Variants in DENND5B observed in about 807,000 individuals in gnomAD.
DENND5B encodes DENN domain containing 5B, also known as DENN domain-containing protein 5B.
DENND5B carries 34 observed loss-of-function variants against 140.6 expected under a neutral mutation model. The observed-to-expected ratio is 0.24, with a 90% CI of 0.18 to 0.32. DENND5B has a LOEUF of 0.32. Ranked by LOEUF, DENND5B falls within the 10% of genes least tolerant of loss-of-function variation. The pLI, the probability that DENND5B is intolerant of heterozygous loss-of-function variation, is 1.00. For missense variants in DENND5B, 1,142 were observed against 1,560.2 expected (o/e 0.73, Z 4.52); for synonymous variants, 551 against 562.1 (o/e 0.98, Z 0.28).
chr12:31,517,836 A>G (rs539939155), intron 1 of DENND5B, among the ~76,000 whole-genome samples: 48 of 152,326 alleles, frequency 3.2e-4, no homozygotes, highest in African/African-American at 9.4e-4. Flanking sequence ...AAGAAGTCAA[A>G]TGACACTTTG....
At chr12:31,442,557 A>G (rs2137982014) in intron 7 of DENND5B, among the ~76,000 whole-genome samples, 2 of 152,048 alleles carry the variant, frequency 1.3e-5, no homozygotes, top group Admixed American at 1.3e-4. Context: ...AGAAAAAAAA[A>G]TCTCTAGCCT....
intron 1 of DENND5B, among the ~76,000 whole-genome samples, chr12:31,502,854 A>G (rs1150944): frequency 0.078 from 11,857 of 152,260 alleles, 1,052 homozygotes; most frequent in African/African-American, 0.22. Flanking sequence ...ACTGAACTAG[A>G]GTAATAAAGG....
At chr12:31,583,640 T>C (rs1232107034) in intron 1 of DENND5B, among the ~76,000 whole-genome samples, 3 of 152,052 alleles carry the variant, frequency 2.0e-5, no homozygotes, top group Admixed American at 6.6e-5. Flanking sequence ...ATCACGCTAC[T>C]GCACTCCAGC....
chr12:31,478,110 G>C (rs1329469541), intron 3 of DENND5B: 1 of 152,090 alleles, frequency 6.6e-6, no homozygotes, highest in East Asian at 1.9e-4. Flanking sequence ...AAGAAGAAAG[G>C]AAAGAATTTA....
At chr12:31,457,858 C>A (rs1359399399) in intron 4 of DENND5B, among the ~76,000 whole-genome samples, 2 of 152,006 alleles carry the variant, frequency 1.3e-5, no homozygotes, top group Admixed American at 1.3e-4. Flanking sequence ...GGACTACAGG[C>A]GCCTGCCACC....
chr12:31,425,727 G>A (rs1012802985), intron 9 of DENND5B, among the ~76,000 whole-genome samples: 32 of 152,104 alleles, frequency 2.1e-4, no homozygotes, highest in African/African-American at 7.5e-4. Context: ...TACATTTATT[G>A]AATATGCAGA....
At chr12:31,480,859 C>CAG (rs1946043136) in intron 2 of DENND5B, among the ~76,000 whole-genome samples, 1 of 152,102 alleles carries the variant, frequency 6.6e-6, no homozygotes, top group Admixed American at 6.6e-5. Flanking sequence ...TCTACTAAAG[C>CAG]AGAAGCACAG....
At chr12:31,560,520 T>C (rs1949436335) in intron 1 of DENND5B, among the ~76,000 whole-genome samples, 1 of 152,208 alleles carries the variant, frequency 6.6e-6, no homozygotes, top group Non-Finnish European at 1.5e-5. Context: ...TCTTCCTGCT[T>C]CTACCCTTGA....
At position 31,384,814 on chromosome 12, in the gene DENND5B, T is replaced by G. The variant is rs2137211254; in HGVS notation, c.*2789A>C. ...GGAGTCTCGCTCTTGTCACCCAGGT[T>G]GGAGTGCAGTGGCACAATCTCGGCT... On this transcript the variant is annotated 3_prime_UTR_variant, in exon 21 of 21. Coordinates refer to ENST00000389082, the MANE Select transcript of DENND5B (RefSeq NM_144973.4). 6.6e-6 allele frequency: 1 copy of G among 152,152 alleles called. No individual in the cohort carries two copies. The highest frequency in any genetic ancestry group is 2.1e-4 in the South Asian group (1 of 4,810). The allele number at this position is 152,152 out of a possible 1,614,324, so 9.4% of individuals were successfully genotyped here. A position where few individuals can be genotyped will look rare whatever the true frequency, so the allele number is the denominator to read the frequency against.
At chr12:31,471,461 A>ATTTTTTTTTTTTTTTTTT (rs747862984) in intron 3 of DENND5B, among the ~76,000 whole-genome samples, 2 of 111,934 alleles carry the variant, frequency 1.8e-5, no homozygotes, top group Non-Finnish European at 3.4e-5. Flanking sequence ...CCATGCCTGT[A>ATTTTTTTTTTTTTTTTTT]TTTTTTTTTT....
chr12:31,568,880 C>T (rs1312365817), intron 1 of DENND5B, among the ~76,000 whole-genome samples: 1 of 152,052 alleles, frequency 6.6e-6, no homozygotes, highest in Non-Finnish European at 1.5e-5. Flanking sequence ...CAAGTCATCT[C>T]CCACCACTTC....
intron 1 of DENND5B, among the ~76,000 whole-genome samples, chr12:31,552,568 C>T (rs573183265): frequency 1.3e-5 from 2 of 152,262 alleles, no homozygotes; most frequent in South Asian, 4.1e-4. Flanking sequence ...CAGGATGATG[C>T]TGGCCTCATA....
chr12:31,426,223 A>C, intron 9 of DENND5B, 70 bp downstream of exon 9: 1 of 1,494,402 alleles, frequency 6.7e-7, no homozygotes, highest in Non-Finnish European at 8.9e-7. Context: ...GGGTTAACTC[A>C]GTTCATCTTA....
At chr12:31,471,735 G>A (rs960059004) in intron 3 of DENND5B, among the ~76,000 whole-genome samples, 3 of 152,228 alleles carry the variant, frequency 2.0e-5, no homozygotes, top group African/African-American at 7.2e-5. Flanking sequence ...CAGCGTGGAA[G>A]AACATGCTTG....
rs762952928 is a variant in DENND5B at position 31,424,528 on chromosome 12, C to G, written c.2391+7G>C. 6.2e-7 allele frequency: 1 copy of G among 1,612,198 alleles called. No individual in the cohort carries two copies. On this transcript the variant is annotated splice_region_variant and intron_variant, in intron 10 of 20. Transcript: ENST00000389082. ...GCCATGTCACCAGGACCTCCTAAAACTGTTACCTGCTTGACCTGCAAGCCA... is the reference window on the plus strand; with the variant it reads ...GCCATGTCACCAGGACCTCCTAAAAGTGTTACCTGCTTGACCTGCAAGCCA...
intron 6 of DENND5B, among the ~76,000 whole-genome samples, chr12:31,446,262 T>A (rs1293804215): frequency 6.6e-6 from 1 of 151,874 alleles, no homozygotes; most frequent in East Asian, 2.0e-4. Flanking sequence ...GATTCTTCTA[T>A]GTCAGCCTCC....
At chr12:31,558,657 T>C (rs1467333280) in intron 1 of DENND5B, among the ~76,000 whole-genome samples, 1 of 152,220 alleles carries the variant, frequency 6.6e-6, no homozygotes. Context: ...CTCATACTGA[T>C]GGATAACACT....
At chr12:31,400,648 C>T (rs991965344) in intron 15 of DENND5B, among the ~76,000 whole-genome samples, 1 of 151,980 alleles carries the variant, frequency 6.6e-6, no homozygotes, top group South Asian at 2.1e-4. Flanking sequence ...GCATGCAATG[C>T]CTAATAACTG....
intron 1 of DENND5B, among the ~76,000 whole-genome samples, chr12:31,536,433 TGAA>T (rs1168631292): frequency 6.6e-6 from 1 of 152,082 alleles, no homozygotes; most frequent in Non-Finnish European, 1.5e-5. Context: ...ACTGACATAT[TGAA>T]GAATGCATCA....
Sources: allele counts gnomAD v4.1 joint callset (sites outside exome capture counted in the v4.1 genomes callset), GRCh38; gene constraint gnomAD v4.1.1; transcripts MANE v1.5; gene names NCBI Gene and HGNC (gene_info 2026-07-23, HGNC 2026-07-21).